Variants in ETV7 observed in about 807,000 individuals in gnomAD.
ETV7 encodes the protein ETS variant transcription factor 7, also known as transcription factor ETV7.
In ETV7, 43 loss-of-function variants were observed where a neutral mutation model predicts 39.1. That is an observed-to-expected ratio of 1.10 (90% CI 0.86 to 1.42). ETV7 has a LOEUF of 1.42. Among genes scored for constraint, ETV7 ranks in the 40% most tolerant of loss-of-function variants. ETV7 has a pLI of 0.00. For missense variants in ETV7, 432 were observed against 442.3 expected, an observed-to-expected ratio of 0.98 and a Z score of 0.21; for synonymous variants, 196 against 176.6, an observed-to-expected ratio of 1.11 and a Z score of -0.87.
At chr6:36,354,971 T>A (rs1561895022) in intron 7 of ETV7, among the ~76,000 whole-genome samples, 2 of 152,230 alleles carry the variant, frequency 1.3e-5, no homozygotes, top group Admixed American at 6.5e-5. Flanking sequence ...ACAATTGACT[T>A]TTGTAGGTTA....
chr6:36,370,860 C>T (rs966297249), intron 5 of ETV7, among the ~76,000 whole-genome samples: 1 of 152,192 alleles, frequency 6.6e-6, no homozygotes, highest in Non-Finnish European at 1.5e-5. Context: ...CCTGGGTTCA[C>T]ATCACACCTC....
intron 2 of ETV7, among the ~76,000 whole-genome samples, chr6:36,380,146 G>A (rs897248127): frequency 6.6e-5 from 10 of 152,124 alleles, no homozygotes; most frequent in Admixed American, 2.0e-4. Flanking sequence ...CGTAAAATGC[G>A]TGGCACAGGG....
chr6:36,358,248 G>A (rs749755591), intron 7 of ETV7, among the ~76,000 whole-genome samples: 7 of 152,176 alleles, frequency 4.6e-5, no homozygotes, highest in Non-Finnish European at 8.8e-5. Flanking sequence ...GAATTAATTT[G>A]CATTGTCAGA....
intron 2 of ETV7, 67 bp from the exon 3 acceptor site, chr6:36,376,102 A>G (rs182383153): frequency 5.5e-6 from 8 of 1,454,850 alleles, no homozygotes; most frequent in Admixed American, 1.9e-5. Flanking sequence ...CACCCTGAAC[A>G]CTTCATCTGA....
chr6:36,363,239 T>G (rs1772574053), downstream of ETV7, among the ~76,000 whole-genome samples: 1 of 152,212 alleles, frequency 6.6e-6, no homozygotes, highest in South Asian at 2.1e-4. Context: ...CTGGAGTTTG[T>G]TCTTTCTGAT....
intron 5 of ETV7, among the ~76,000 whole-genome samples, chr6:36,371,047 GT>G (rs2127389972): frequency 6.6e-6 from 1 of 152,336 alleles, no homozygotes; most frequent in South Asian, 2.1e-4. Flanking sequence ...AACAGATAAA[GT>G]TTTAAAAGGC....
At chr6:36,369,175 G>T in intron 5 of ETV7, 104 bp from the exon 6 acceptor site, 1 of 1,301,564 alleles carries the variant, frequency 7.7e-7, no homozygotes, top group Non-Finnish European at 1.1e-6. Context: ...AGCCCTAGGA[G>T]CACCAGCAGG....
downstream of ETV7, among the ~76,000 whole-genome samples, chr6:36,363,953 C>T (rs1462861505): frequency 1.3e-5 from 2 of 149,934 alleles, no homozygotes; most frequent in Admixed American, 1.3e-4. Flanking sequence ...AATCCCTGAG[C>T]TAGACATAAA....
chr6:36,365,890 G>A (rs563007008), downstream of ETV7, among the ~76,000 whole-genome samples: 4 of 152,150 alleles, frequency 2.6e-5, no homozygotes, highest in African/African-American at 4.8e-5. Flanking sequence ...AAGAAACATC[G>A]GCTGGACGCA....
chr6:36,377,561 G>A (rs1773440650), intron 2 of ETV7, among the ~76,000 whole-genome samples: 1 of 152,184 alleles, frequency 6.6e-6, no homozygotes, highest in Non-Finnish European at 1.5e-5. Context: ...TGAGGCAGAA[G>A]AGAGAAGCAA....
chr6:36,369,097 G>A, intron 5 of ETV7, 26 bp from the exon 6 acceptor site: 2 of 1,613,290 alleles, frequency 1.2e-6, no homozygotes, highest in Non-Finnish European at 1.7e-6. Context: ...GGGAGTGCAG[G>A]CAGCGCAGCT....
At chr6:36,362,650 G>C (rs1772533494), downstream of ETV7, among the ~76,000 whole-genome samples, 1 of 152,194 alleles carries the variant, frequency 6.6e-6, no homozygotes, top group East Asian at 1.9e-4. Flanking sequence ...GCACCCAGGG[G>C]TCCATCCCCA....
chr6:36,369,714 A>T (rs1254338002), intron 5 of ETV7, among the ~76,000 whole-genome samples: 1 of 152,130 alleles, frequency 6.6e-6, no homozygotes, highest in Non-Finnish European at 1.5e-5. Context: ...AACATAATAG[A>T]CCACAAAACC....
intron 4 of ETV7, 120 bp downstream of exon 4, chr6:36,373,333 C>T (rs907662947): frequency 2.0e-5 from 22 of 1,113,368 alleles, no homozygotes; most frequent in Admixed American, 5.8e-5. Context: ...GGGGGTGGGG[C>T]GGGAGGGGAG....
chr6:36,373,634 A>C, intron 3 of ETV7, 56 bp from the exon 4 acceptor site: 7 of 1,483,600 alleles, frequency 4.7e-6, no homozygotes, highest in Non-Finnish European at 6.2e-6. Flanking sequence ...GGGGAGGGCC[A>C]GCCTCATCCC....
At chr6:36,376,107 A>G (rs1457491813) in intron 2 of ETV7, 72 bp from the exon 3 acceptor site, 3 of 1,403,842 alleles carry the variant, frequency 2.1e-6, no homozygotes, top group African/African-American at 1.4e-5. Context: ...TGAACACTTC[A>G]TCTGAGCAGA....
chr6:36,354,629 T>G (rs765080878), exon 8 of ETV7: 2 of 696,034 alleles, frequency 2.9e-6, no homozygotes, highest in South Asian at 3.1e-5. Flanking sequence ...AAGACTGTTT[T>G]GGCTATTTGG....
intron 3 of ETV7, 119 bp from the exon 4 acceptor site, chr6:36,373,697 T>G (rs899982566): frequency 5.0e-6 from 6 of 1,194,070 alleles, no homozygotes; most frequent in Non-Finnish European, 6.7e-6. Flanking sequence ...CACAGCTTCA[T>G]GCCGATGGCA....
At chr6:36,376,823 G>A (rs550361535) in intron 2 of ETV7, among the ~76,000 whole-genome samples, 9 of 151,104 alleles carry the variant, frequency 6.0e-5, no homozygotes, top group South Asian at 4.2e-4. Context: ...TTTCCCAAAT[G>A]AGGCAGTGAG....
Sources: allele counts gnomAD v4.1 joint callset (sites outside exome capture counted in the v4.1 genomes callset), GRCh38; gene constraint gnomAD v4.1.1; transcripts MANE v1.5; gene names NCBI Gene and HGNC (gene_info 2026-07-23, HGNC 2026-07-21).